Variants in MS4A4A observed in about 807,000 individuals in gnomAD.
MS4A4A encodes membrane-spanning 4-domains subfamily A member 4A.
In MS4A4A, 26 loss-of-function variants were observed where a neutral mutation model predicts 28.0. The ratio of observed to expected loss-of-function variants is 0.93; its 90% confidence interval spans 0.68 to 1.29. MS4A4A has a LOEUF of 1.29. MS4A4A is among the 50% of genes most tolerant of loss of function. The pLI is 0.00. For missense variants in MS4A4A, 290 were observed against 293.1 expected (o/e 0.99, Z 0.08); for synonymous variants, 86 against 100.8 (o/e 0.85, Z 0.88).
Position 60,306,192 on chromosome 11 carries a change from C to T in MS4A4A, c.639C>T (p.Thr213=), listed in dbSNP as rs756882562. ...SAFGCKVLCC[T]PGGVVLILPS... ...TTGGATGTAAAGTGCTCTGTTGTAC[C>T]CCTGGTGGGGTGAGTATTGGCCTTC... is the stretch of plus-strand genomic sequence containing the variant. Residue 213 remains threonine, a synonymous_variant, in exon 6 of 7, where the codon ACC becomes ACT. Coordinates refer to ENST00000337908, the MANE Select transcript of MS4A4A (RefSeq NM_148975.3). 2.4e-5 allele frequency: 39 copies of T among 1,612,772 alleles called. No individual in the cohort carries two copies. The highest frequency in any genetic ancestry group is 3.2e-5 in the Non-Finnish European group (38 of 1,178,926).
chr11:60,302,510 T>A, intron 4 of MS4A4A, 49 bp from the exon 5 acceptor site: 1 of 1,577,462 alleles, frequency 6.3e-7, no homozygotes, highest in South Asian at 1.1e-5. Context: ...CATGGAGATA[T>A]ATCTGAGGAT....
intron 3 of MS4A4A, among the ~76,000 whole-genome samples, chr11:60,300,041 A>G (rs866349129): frequency 6.6e-6 from 1 of 152,104 alleles, no homozygotes. Context: ...AATCATCTCT[A>G]TGTCTGGGTA....
chr11:60,304,842 C>A (rs2084984141), intron 5 of MS4A4A, among the ~76,000 whole-genome samples: 1 of 152,184 alleles, frequency 6.6e-6, no homozygotes, highest in South Asian at 2.1e-4. Flanking sequence ...TGGTAAAATC[C>A]TTGAAGACAG....
chr11:60,302,713 T>C lies in MS4A4A; in HGVS notation c.542T>C (p.Leu181Ser). The C allele has an allele frequency of 6.2e-7, 1 of 1,613,328 alleles. No individual in the cohort carries two copies. The highest frequency in any genetic ancestry group is 8.5e-7 in the Non-Finnish European group (1 of 1,179,326). ...SNNCHGTMSI[L>S]MGLDGMVLLL... ...AATTGTCATGGGACTATGTCCATCT[T>C]AATGGTTGGTACTGCCTCTTTTCAG... The change falls in exon 5 of 7, where the codon TTA becomes TCA. Residue 181 changes from leucine (L) to serine (S), a missense_variant. By Grantham distance (145) the Leu-to-Ser change is moderately radical (BLOSUM62 -2). Transcript: ENST00000337908.
chr11:60,285,820 T>C lies in MS4A4A; in HGVS notation c.41+5104T>C, dbSNP rs966298649. On this transcript the variant is annotated intron_variant, in intron 1 of 6. Transcript: ENST00000337908. The stretch of plus-strand genomic sequence containing the variant: ...GCCAGGGTGAAATTAGAATTACTAA[T>C]GAGGTTCCATGTCCTGCTGTGCACA... Among the ~76,000 whole-genome samples the C allele has an allele frequency of 6.4e-4, 98 of 152,280 alleles. 3 individuals carry two copies. Among genetic ancestry groups the C allele is most frequent in the Non-Finnish European group, 1.9e-4 (13 of 68,028 alleles).
intron 1 of MS4A4A, among the ~76,000 whole-genome samples, chr11:60,283,345 G>A (rs1241061010): frequency 2.6e-5 from 4 of 152,182 alleles, no homozygotes; most frequent in East Asian, 3.8e-4. Flanking sequence ...GGGATTACAG[G>A]ATTGAGTCAA....
chr11:60,283,203 A>T (rs1029708095), intron 1 of MS4A4A, among the ~76,000 whole-genome samples: 2 of 151,966 alleles, frequency 1.3e-5, no homozygotes, highest in Non-Finnish European at 2.9e-5. Flanking sequence ...AGTAGCTGGG[A>T]TTACAGGCGC....
intron 4 of MS4A4A, among the ~76,000 whole-genome samples, chr11:60,301,810 A>G (rs972487703): frequency 6.6e-6 from 1 of 151,340 alleles, no homozygotes; most frequent in Admixed American, 6.6e-5. Context: ...ACAGAGTTTC[A>G]CTCTTATTAC....
intron 5 of MS4A4A, 156 bp from the exon 6 acceptor site, chr11:60,305,944 C>T: frequency 3.4e-6 from 2 of 596,008 alleles, no homozygotes; most frequent in East Asian, 2.8e-5. Context: ...GCTACTTCAG[C>T]AGATCAAGAA....
rs764779716 is a variant in MS4A4A, at chr11:60,302,591, C to T, written c.420C>T (p.Ser140=). ...VRGSLGMNIT[S]SVLAASGILI... ...GTAGTCTAGGAATGAATATCACCAGCTCTGTACTGGCTGCATCAGGGATCT... is the reference window on the plus strand; with the variant it reads ...GTAGTCTAGGAATGAATATCACCAGTTCTGTACTGGCTGCATCAGGGATCT... Residue 140 remains serine, a synonymous_variant, in exon 5 of 7, where the codon AGC becomes AGT. Transcript: ENST00000337908. The T allele has an allele frequency of 6.2e-7, 1 of 1,614,174 alleles. No individual in the cohort carries two copies. The highest frequency in any genetic ancestry group is 2.2e-5 in the East Asian group (1 of 44,874).
intron 1 of MS4A4A, among the ~76,000 whole-genome samples, chr11:60,283,148 C>A (rs148652176): frequency 5.9e-4 from 90 of 152,106 alleles, no homozygotes; most frequent in Non-Finnish European, 4.6e-4. Context: ...GCTGGAGTAC[C>A]CTGATGCCAT....
At position 60,300,561 on chromosome 11, in the gene MS4A4A, A is replaced by G. The variant is rs913583141; in HGVS notation, c.331-440A>G. On this transcript the variant is annotated intron_variant, in intron 3 of 6. Transcript: ENST00000337908. Reference sequence around the variant, plus strand: ...AACCCGGGAGGCGGAGCTTGCAGTGAGCCGAGATTGCCCCACTGCACTCCA... The same window carrying G: ...AACCCGGGAGGCGGAGCTTGCAGTGGGCCGAGATTGCCCCACTGCACTCCA... Among the ~76,000 whole-genome samples, 4 of 141,386 alleles carry G rather than the reference A, an allele frequency of 2.8e-5. No individual in the cohort carries two copies. In the Middle Eastern group the frequency reaches 0.015, roughly 524 times the overall value. The allele number at this position is 141,386 out of a possible 152,430, so 92.8% of individuals were successfully genotyped here.
chr11:60,300,762 GTTTTAATATCA>G (rs560661055), intron 3 of MS4A4A, among the ~76,000 whole-genome samples: 74 of 151,828 alleles, frequency 4.9e-4, no homozygotes, highest in Non-Finnish European at 9.0e-4. Context: ...CCCTCAAACA[GTTTTAATATCA>G]TTTCAGTTAG....
chr11:60,282,718 A>G, intron 1 of MS4A4A: 1 of 1,276,412 alleles, frequency 7.8e-7, no homozygotes, highest in Non-Finnish European at 1.0e-6. Flanking sequence ...AGCTTTAAAA[A>G]TTAAAAGGAG....
At position 60,296,987 on chromosome 11, in the gene MS4A4A, T is replaced by C. The variant is rs182285556; in HGVS notation, c.202-210T>C. 8.0e-4 allele frequency: 441 copies of C among 553,478 alleles called. 3 individuals are homozygous for C. Among genetic ancestry groups the C allele is most frequent in the Non-Finnish European group, 8.7e-4 (283 of 325,182 alleles). 34.3% of individuals were successfully genotyped at this position (553,478 alleles called of 1,614,324 possible). On this transcript the variant is annotated intron_variant, in intron 2 of 6. Transcript: ENST00000337908. The stretch of plus-strand genomic sequence containing the variant: ...GGCATACTCCTTTTAACCTTGAAAT[T>C]ATTGGCAATGATAGACGTCGCGAGA...
Position 60,301,865 on chromosome 11 carries a change from C to T in MS4A4A, c.388-694C>T, listed in dbSNP as rs150047175. On this transcript the variant is annotated intron_variant, in intron 4 of 6. Transcript: ENST00000337908. ...CGTGATCTCGGCTCACCGCAACCTC[C>T]GCTTCTCAGGTTCAAGTGATTCTCC... 7.9e-3 allele frequency among the ~76,000 whole-genome samples: 1,207 copies of T among 152,288 alleles called. 16 individuals are homozygous for T. Among genetic ancestry groups the T allele is most frequent in the African/African-American group, 0.028 (1,153 of 41,556 alleles).
chr11:60,291,695 G>A (rs1266576984), intron 1 of MS4A4A, among the ~76,000 whole-genome samples: 1 of 151,194 alleles, frequency 6.6e-6, no homozygotes, highest in Non-Finnish European at 1.5e-5. Context: ...CTACTCGGGA[G>A]ACTGAGGCAG....
At chr11:60,294,797 CTATT>C (rs2084888067) in intron 2 of MS4A4A, among the ~76,000 whole-genome samples, 1 of 151,868 alleles carries the variant, frequency 6.6e-6, no homozygotes. Flanking sequence ...ATTCCATTAT[CTATT>C]TGTCTATTTC....
intron 2 of MS4A4A, 52 bp downstream of exon 2, chr11:60,292,436 T>A: frequency 6.6e-7 from 1 of 1,509,320 alleles, no homozygotes; most frequent in South Asian, 1.4e-5. Context: ...TCATATTTCA[T>A]AAGACCTAAT....
Sources: gnomAD v4.1 joint callset for allele counts (sites outside exome capture counted in the v4.1 genomes callset) on GRCh38, gnomAD v4.1.1 for gene constraint, MANE v1.5 for transcripts, NCBI Gene and HGNC (gene_info 2026-07-23, HGNC 2026-07-21) for gene names.